Variants in SLC44A5 observed in about 807,000 individuals in gnomAD.
The protein encoded by SLC44A5 is choline transporter-like protein 5.
A neutral mutation model predicts 101.8 loss-of-function variants in SLC44A5; 57 were observed. The ratio of observed to expected loss-of-function variants is 0.56; its 90% confidence interval spans 0.45 to 0.70. The LOEUF (loss-of-function observed/expected upper bound fraction) is 0.70. Among genes scored for constraint, SLC44A5 ranks in the 30% least tolerant of loss-of-function variants. The probability of loss-of-function intolerance (pLI) is 0.00; values close to 1 mark genes in which losing one functional copy is unlikely to be tolerated. For missense variants in SLC44A5, 737 were observed against 853.1 expected, an observed-to-expected ratio of 0.86 and a Z score of 1.70; for synonymous variants, 281 against 290.9, an observed-to-expected ratio of 0.97 and a Z score of 0.35.
chr1:75,269,335 A>C (rs1443523022), intron 6 of SLC44A5, among the ~76,000 whole-genome samples: 4 of 152,048 alleles, frequency 2.6e-5, no homozygotes, highest in African/African-American at 9.6e-5. Context: ...TCAGATATAT[A>C]TGTTGAAAAT....
intron 1 of SLC44A5, among the ~76,000 whole-genome samples, chr1:75,580,846 A>AG (rs1341034399): frequency 1.3e-5 from 2 of 151,470 alleles, no homozygotes; most frequent in Non-Finnish European, 2.9e-5. Context: ...TCAAAAAAAA[A>AG]AACAAAGAAA....
chr1:75,375,816 C>G (rs1368303273), intron 3 of SLC44A5, among the ~76,000 whole-genome samples: 1 of 152,148 alleles, frequency 6.6e-6, no homozygotes, highest in African/African-American at 2.4e-5. Flanking sequence ...AATTCATTAC[C>G]ACTGAATCGT....
At chr1:75,596,276 G>T (rs539633082) in intron 1 of SLC44A5, among the ~76,000 whole-genome samples, 1 of 151,758 alleles carries the variant, frequency 6.6e-6, no homozygotes, top group Non-Finnish European at 1.5e-5. Flanking sequence ...GACCAATAAT[G>T]AGCTCTGAAA....
chr1:75,438,982 T>C (rs1251988725), intron 2 of SLC44A5, among the ~76,000 whole-genome samples: 1 of 152,018 alleles, frequency 6.6e-6, no homozygotes, highest in African/African-American at 2.4e-5. Flanking sequence ...AAGCAAGCAA[T>C]ATGCTATGGT....
chr1:75,540,207 T>C (rs1021319417), intron 2 of SLC44A5, among the ~76,000 whole-genome samples: 1 of 152,234 alleles, frequency 6.6e-6, no homozygotes, highest in Admixed American at 6.5e-5. Flanking sequence ...TCTCAGGCAC[T>C]GTGCCAATTT....
chr1:75,477,238 C>A (rs904273013), intron 2 of SLC44A5, among the ~76,000 whole-genome samples: 1 of 152,066 alleles, frequency 6.6e-6, no homozygotes, highest in Non-Finnish European at 1.5e-5. Context: ...GACATCCACG[C>A]CAAAAACCCA....
chr1:75,479,883 C>T (rs1221953261), intron 2 of SLC44A5, among the ~76,000 whole-genome samples: 2 of 152,202 alleles, frequency 1.3e-5, no homozygotes, highest in Admixed American at 6.5e-5. Context: ...AAGAGGGAAT[C>T]CTCCCTAACT....
chr1:75,288,605 AG>A (rs1432731549), intron 5 of SLC44A5, among the ~76,000 whole-genome samples: 1 of 152,226 alleles, frequency 6.6e-6, no homozygotes, highest in Non-Finnish European at 1.5e-5. Flanking sequence ...TTGGCAGTGC[AG>A]AGGGAAGACA....
chr1:75,473,040 T>C (rs2101737061), intron 2 of SLC44A5, among the ~76,000 whole-genome samples: 1 of 152,352 alleles, frequency 6.6e-6, no homozygotes, highest in South Asian at 2.1e-4. Flanking sequence ...GTAAAAATAC[T>C]AGCTGTAATT....
intron 11 of SLC44A5, among the ~76,000 whole-genome samples, chr1:75,236,290 G>GA (rs1488904796): frequency 2.0e-5 from 3 of 151,932 alleles, no homozygotes; most frequent in African/African-American, 7.2e-5. Flanking sequence ...GACCATTAGG[G>GA]AACCATGGGA....
chr1:75,625,865 GCAGT>G, the SLC44A5 span, among the ~76,000 whole-genome samples: 1 of 152,220 alleles, frequency 6.6e-6, no homozygotes, highest in Non-Finnish European at 1.5e-5. Context: ...ACTGATATTT[GCAGT>G]CACTTTCCTA....
chr1:75,436,518 A>C (rs1210597581), intron 2 of SLC44A5, among the ~76,000 whole-genome samples: 1 of 152,126 alleles, frequency 6.6e-6, no homozygotes, highest in Non-Finnish European at 1.5e-5. Flanking sequence ...CTTACCATGA[A>C]TGGAGGGTGC....
At chr1:75,450,681 A>G (rs1173622283) in intron 2 of SLC44A5, among the ~76,000 whole-genome samples, 1 of 152,064 alleles carries the variant, frequency 6.6e-6, no homozygotes, top group Non-Finnish European at 1.5e-5. Context: ...ATTGCTGGGT[A>G]CCCCAGTCTG....
chr1:75,523,607 C>T (rs1046666673), intron 2 of SLC44A5, among the ~76,000 whole-genome samples: 18 of 152,314 alleles, frequency 1.2e-4, no homozygotes, highest in African/African-American at 3.4e-4. Context: ...CAGGCGTGAG[C>T]CACCATCCCC....
chr1:75,448,481 A>G (rs1665714270), intron 2 of SLC44A5, among the ~76,000 whole-genome samples: 1 of 152,228 alleles, frequency 6.6e-6, no homozygotes, highest in Non-Finnish European at 1.5e-5. Flanking sequence ...GCTCAAACTC[A>G]GAGTGACGTA....
intron 3 of SLC44A5, among the ~76,000 whole-genome samples, chr1:75,351,111 G>C (rs989623193): frequency 1.3e-5 from 2 of 151,298 alleles, no homozygotes; most frequent in Non-Finnish European, 3.0e-5. Flanking sequence ...CCAACCTATA[G>C]CAATAAAGAG....
chr1:75,717,946 T>G, the SLC44A5 span, among the ~76,000 whole-genome samples: 1 of 152,198 alleles, frequency 6.6e-6, no homozygotes, highest in South Asian at 2.1e-4. Flanking sequence ...ATATACAAAG[T>G]TCCTTGGCTC....
chr1:75,518,578 TA>T (rs1382638750), intron 2 of SLC44A5, among the ~76,000 whole-genome samples: 3 of 152,120 alleles, frequency 2.0e-5, no homozygotes, highest in Non-Finnish European at 4.4e-5. Flanking sequence ...AACAAATAAA[TA>T]GAAAAAAATC....
chr1:75,546,621 G>A (rs898549546), intron 1 of SLC44A5, among the ~76,000 whole-genome samples: 12 of 151,848 alleles, frequency 7.9e-5, no homozygotes, highest in Admixed American at 1.3e-4. Flanking sequence ...ACCTACAGCC[G>A]ACATTCTATG....
Sources: gnomAD v4.1 joint callset for allele counts (sites outside exome capture counted in the v4.1 genomes callset) on GRCh38, gnomAD v4.1.1 for gene constraint, MANE v1.5 for transcripts, NCBI Gene and HGNC (gene_info 2026-07-23, HGNC 2026-07-21) for gene names.